CD1D: variants seen among roughly 807,000 people sequenced by gnomAD.
CD1D encodes the protein antigen-presenting glycoprotein CD1d.
A neutral mutation model predicts 42.1 loss-of-function variants in CD1D; 40 were observed. The observed-to-expected ratio is 0.95, with a 90% CI of 0.74 to 1.24. The LOEUF (loss-of-function observed/expected upper bound fraction) is 1.24. CD1D is among the 50% of genes most tolerant of loss of function. The pLI, the probability that CD1D is intolerant of heterozygous loss-of-function variation, is 0.00. For synonymous variants in CD1D, 178 were observed against 171.8 expected, an observed-to-expected ratio of 1.04 and a Z score of -0.28; for missense variants, 437 against 416.5, an observed-to-expected ratio of 1.05 and a Z score of -0.43.
At chr1:158,183,225 G>A in intron 4 of CD1D, 69 bp downstream of exon 4, 1 of 1,527,090 alleles carries the variant, frequency 6.5e-7, no homozygotes, top group South Asian at 1.3e-5. Context: ...GAGGCACTGG[G>A]GTGGGATGTG....
chr1:158,181,424 C>A (rs1375160265), intron 1 of CD1D, 31 bp from the exon 2 acceptor site: 1 of 1,608,248 alleles, frequency 6.2e-7, no homozygotes, highest in Non-Finnish European at 8.5e-7. Flanking sequence ...CGGCCACTTG[C>A]TACACGCCTC....
rs1571062933 is a variant in CD1D at position 158,181,332 on chromosome 1, C to T, written c.62-123C>T. The T allele has an allele frequency of 7.5e-6, 11 of 1,464,550 alleles. No individual in the cohort carries two copies. The South Asian group carries it at 1.0e-4, about 13-fold the overall frequency. 90.7% of individuals were successfully genotyped at this position (1,464,550 alleles called of 1,614,324 possible). A position where few individuals can be genotyped will look rare whatever the true frequency, so the allele number is the denominator to read the frequency against. On this transcript the variant is annotated intron_variant, in intron 1 of 5. Coordinates refer to ENST00000674085, the MANE Select transcript of CD1D (RefSeq NM_001371762.2). Reference sequence around the variant, plus strand: ...GGCTCCGGGGAGAGGCAGCGCGGCACAGAGTTCGCTGGCATCAGCCGCCTC... The same window carrying T: ...GGCTCCGGGGAGAGGCAGCGCGGCATAGAGTTCGCTGGCATCAGCCGCCTC...
chr1:158,182,467 C>A, intron 3 of CD1D, 157 bp downstream of exon 3: 1 of 768,728 alleles, frequency 1.3e-6, no homozygotes. Context: ...CAGACATCAA[C>A]TGAGCACCTC....
At position 158,184,424 on chromosome 1, in the gene CD1D, A is replaced by G. The variant is rs1302239360; in HGVS notation, c.*274A>G. The G allele has an allele frequency of 3.8e-6, 2 of 524,332 alleles. No homozygotes were observed. Among genetic ancestry groups the G allele is most frequent in the Non-Finnish European group, 6.8e-6 (2 of 294,026 alleles). The allele number at this position is 524,332 out of a possible 1,614,324, so 32.5% of individuals were successfully genotyped here. A position where few individuals can be genotyped will look rare whatever the true frequency, so the allele number is the denominator to read the frequency against. On this transcript the variant is annotated 3_prime_UTR_variant, in exon 6 of 6. Coordinates refer to ENST00000674085, the MANE Select transcript of CD1D (RefSeq NM_001371762.2). ...GAAGTGCAAAGGTGTGCAAACTTGTATCTGAAGACCTACCAGGGACAAGCA... is the reference window on the plus strand; with the variant it reads ...GAAGTGCAAAGGTGTGCAAACTTGTGTCTGAAGACCTACCAGGGACAAGCA...
rs764778150 is a variant in CD1D, at chr1:158,181,593, C to T, written c.200C>T (p.Ser67Phe). ...AGCAACGACTCGGACACCGTCCGCT[C>T]TCTGAAGCCTTGGTCCCAGGGCACG... ...SWSNDSDTVR[S>F]LKPWSQGTFS... Residue 67 changes from serine to phenylalanine, a missense_variant, in exon 2 of 6, where the codon TCT becomes TTT. Coordinates refer to ENST00000674085, the MANE Select transcript of CD1D (RefSeq NM_001371762.2). 3.1e-6 allele frequency: 5 copies of T among 1,614,160 alleles called. No individual in the cohort carries two copies. Among genetic ancestry groups the T allele is most frequent in the Non-Finnish European group, 2.5e-6 (3 of 1,180,026 alleles).
Position 158,185,119 on chromosome 1 carries a change from T to C in CD1D, c.*969T>C, listed in dbSNP as rs1648650824. Among the ~76,000 whole-genome samples the C allele has an allele frequency of 1.3e-5, 2 of 151,366 alleles. No homozygotes were observed. Among genetic ancestry groups the C allele is most frequent in the Admixed American group, 1.3e-4 (2 of 15,250 alleles). On this transcript the variant is annotated 3_prime_UTR_variant, in exon 6 of 6. Transcript: ENST00000674085. ...CAAGCATGAGCTGCAGCGATGATGG[T>C]GATGGTAGCCCAGCCATGCTGTGTT...
At chr1:158,179,674 G>GCT (rs1571060104), upstream of CD1D, among the ~76,000 whole-genome samples, 6 of 152,328 alleles carry the variant, frequency 3.9e-5, no homozygotes, top group East Asian at 9.6e-4. Flanking sequence ...GATCTGGAAA[G>GCT]ACTTCCCTGA....
rs1293166556 is a variant in CD1D at position 158,184,386 on chromosome 1, C to T, written c.*236C>T. 3 of 577,808 alleles carry T rather than the reference C, an allele frequency of 5.2e-6. No individual in the cohort carries two copies. The highest frequency in any genetic ancestry group is 3.7e-5 in the African/African-American group (2 of 53,360). The allele number at this position is 577,808 out of a possible 1,614,324, so 35.8% of individuals were successfully genotyped here. ...ACTACAAGTTTATAAGCCCAAATGG[C>T]TCTGTGAAATCAGAAGTGCAAAGGT... is the stretch of plus-strand genomic sequence containing the variant. On this transcript the variant is annotated 3_prime_UTR_variant, in exon 6 of 6. Coordinates refer to ENST00000674085, the MANE Select transcript of CD1D (RefSeq NM_001371762.2).
chr1:158,180,926 T>C lies in CD1D; in HGVS notation c.-176T>C, dbSNP rs1014702413. Reference sequence around the variant, plus strand: ...CGCACAGCTAAGGGCGAGGGCGCCCTTCGGCAGAAGCAGCAAACCGCCGGC... The same window carrying C: ...CGCACAGCTAAGGGCGAGGGCGCCCCTCGGCAGAAGCAGCAAACCGCCGGC... On this transcript the variant is annotated 5_prime_UTR_variant, in exon 1 of 6. Coordinates refer to ENST00000674085, the MANE Select transcript of CD1D (RefSeq NM_001371762.2). The C allele has an allele frequency of 1.9e-6, 1 of 523,598 alleles. No homozygotes were observed. Among genetic ancestry groups the C allele is most frequent in the Admixed American group, 3.6e-5 (1 of 28,064 alleles). 32.4% of individuals were successfully genotyped at this position (523,598 alleles called of 1,614,324 possible).
At chr1:158,179,930 GC>G (rs1648315743), upstream of CD1D, 1 of 152,254 alleles carries the variant, frequency 6.6e-6, no homozygotes, top group South Asian at 2.1e-4. Context: ...AATCTTGCAG[GC>G]CGTGCTAATG....
chr1:158,181,634 T>A lies in CD1D; in HGVS notation c.241T>A (p.Trp81Arg), dbSNP rs770514010. Residue 81 changes from tryptophan to arginine, a missense_variant, in exon 2 of 6, where the codon TGG (tryptophan) becomes AGG (arginine). By Grantham distance (101) the Trp-to-Arg change is moderately radical. Coordinates refer to ENST00000674085, the MANE Select transcript of CD1D (RefSeq NM_001371762.2). ...CCAGGGCACGTTCAGCGACCAGCAG[T>A]GGGAGACGCTGCAGCATATATTTCG... ...WSQGTFSDQQWETLQHIFRVY... is the reference protein window; with the variant it reads ...WSQGTFSDQQRETLQHIFRVY... 1 of 1,614,068 alleles carries A rather than the reference T, an allele frequency of 6.2e-7. No homozygotes were observed. The highest frequency in any genetic ancestry group is 1.1e-5 in the South Asian group (1 of 91,082).
chr1:158,184,661 T>C lies in CD1D; in HGVS notation c.*511T>C, dbSNP rs1418880571. 1.8e-5 allele frequency: 3 copies of C among 163,128 alleles called. No homozygotes were observed. Among genetic ancestry groups the C allele is most frequent in the East Asian group, 1.8e-4 (1 of 5,636 alleles). The allele number at this position is 163,128 out of a possible 1,614,324, so 10.1% of individuals were successfully genotyped here. A position where few individuals can be genotyped will look rare whatever the true frequency, so the allele number is the denominator to read the frequency against. On this transcript the variant is annotated 3_prime_UTR_variant, in exon 6 of 6. Coordinates refer to ENST00000674085, the MANE Select transcript of CD1D (RefSeq NM_001371762.2). ...TGACTCAAGTTTTTACAAAATACTA[T>C]GTGGGACACCTCAAATACATACCTA...
At chr1:158,178,996 C>A (rs1465721401), upstream of CD1D, among the ~76,000 whole-genome samples, 1 of 149,982 alleles carries the variant, frequency 6.7e-6, no homozygotes, top group Non-Finnish European at 1.5e-5. Flanking sequence ...TGTTGATAAA[C>A]AAACAAAAAC....
At chr1:158,183,914 A>G in intron 4 of CD1D, 22 bp from the exon 5 acceptor site, 2 of 1,591,990 alleles carry the variant, frequency 1.3e-6, no homozygotes, top group Non-Finnish European at 1.7e-6. Flanking sequence ...GCTGAGAGAC[A>G]GCCTATGTTC....
upstream of CD1D, among the ~76,000 whole-genome samples, chr1:158,180,557 A>G (rs577885361): frequency 2.0e-5 from 3 of 152,248 alleles, no homozygotes; most frequent in African/African-American, 7.2e-5. Context: ...ATTAATTTTC[A>G]TGCGTTTACT....
rs563464986 is a variant in CD1D at position 158,181,464 on chromosome 1, G to A, written c.71G>A (p.Arg24Lys). The A allele has an allele frequency of 8.6e-5, 139 of 1,613,952 alleles. No homozygotes were observed. In the South Asian group the frequency reaches 1.4e-3, roughly 16 times the overall value. The change falls in exon 2 of 6, where the codon AGG (arginine) becomes AAG (lysine). Residue 24 changes from arginine (R) to lysine (K), a missense_variant. Transcript: ENST00000674085. Reference sequence around the variant, plus strand: ...CTTCATTCTCTCCCAGTCCCGCAAAGGCTTTTCCCCCTCCGCTGCCTCCAG... The same window carrying A: ...CTTCATTCTCTCCCAGTCCCGCAAAAGCTTTTCCCCCTCCGCTGCCTCCAG... Reference protein sequence around the residue: ...QAWGSAEVPQRLFPLRCLQIS... With the variant: ...QAWGSAEVPQKLFPLRCLQIS...
Position 158,183,101 on chromosome 1 carries a change from G to C in CD1D, c.831G>C (p.Leu277=). The change falls in exon 4 of 6, where the codon CTG becomes CTC. Residue 277 remains leucine (L), a synonymous_variant. Transcript: ENST00000674085. The part of the protein sequence containing the change: ...LDVVAGEAAG[L]SCRVKHSSLE... ...TGGTGGCTGGGGAGGCAGCTGGCCT[G>C]TCCTGTCGGGTGAAGCACAGCAGTC... 6.2e-7 allele frequency: 1 copy of C among 1,614,052 alleles called. No individual in the cohort carries two copies. Among genetic ancestry groups the C allele is most frequent in the Non-Finnish European group, 8.5e-7 (1 of 1,179,944 alleles).
chr1:158,182,070 C>T lies in CD1D; in HGVS notation c.367C>T (p.His123Tyr), dbSNP rs1648456930. 1 of 1,613,062 alleles carries T rather than the reference C, an allele frequency of 6.2e-7. No individual in the cohort carries two copies. Among genetic ancestry groups the T allele is most frequent in the Non-Finnish European group, 8.5e-7 (1 of 1,179,418 alleles). ...ELQVSAGCEV[H>Y]PGNASNNFFH... ...CCAGGTGTCCGCTGGCTGTGAGGTG[C>T]ACCCTGGGAACGCCTCAAATAACTT... The change falls in exon 3 of 6, where the codon CAC becomes TAC. Residue 123 changes from histidine (H) to tyrosine (Y), a missense_variant. Transcript: ENST00000674085.
Position 158,185,734 on chromosome 1 carries a change from A to G in CD1D, c.*1584A>G, listed in dbSNP as rs1261137142. Among the ~76,000 whole-genome samples, 4 of 152,174 alleles carry G rather than the reference A, an allele frequency of 2.6e-5. No homozygotes were observed. The East Asian group carries it at 7.7e-4, about 29-fold the overall frequency. On this transcript the variant is annotated 3_prime_UTR_variant, in exon 6 of 6. Coordinates refer to ENST00000674085, the MANE Select transcript of CD1D (RefSeq NM_001371762.2). ...AAATCAATGGTTCCCAAATTGTAGT[A>G]ACCTGACCAACAGCCTCAGCAGGAC... is the stretch of plus-strand genomic sequence containing the variant.
Sources: gnomAD v4.1 joint callset for allele counts (sites outside exome capture counted in the v4.1 genomes callset) on GRCh38, gnomAD v4.1.1 for gene constraint, MANE v1.5 for transcripts, NCBI Gene and HGNC (gene_info 2026-07-23, HGNC 2026-07-21) for gene names.